EDA: variants seen among roughly 807,000 people sequenced by gnomAD.
The protein encoded by EDA is ectodysplasin A, also known as ectodysplasin-A.
EDA carries 2 observed loss-of-function variants against 23.6 expected under a neutral mutation model. The ratio of observed to expected loss-of-function variants is 0.08; its 90% CI spans 0.03 to 0.27. The LOEUF is 0.27. Among genes scored for constraint, EDA ranks in the 10% least tolerant of loss-of-function variants. The probability of loss-of-function intolerance (pLI) is 1.00; values close to 1 mark genes in which losing one functional copy is unlikely to be tolerated. For missense variants in EDA, 229 were observed against 324.2 expected (o/e 0.71, Z 2.26); for synonymous variants, 131 against 132.0 (o/e 0.99, Z 0.05).
chrX:69,924,144 TGCTGTGCAGAA>T (rs2018477814), intron 1 of EDA, among the ~76,000 whole-genome samples: 1 of 111,959 alleles, frequency 8.9e-6, no homozygotes, highest in East Asian at 2.8e-4. Context: ...TACTTTGTTT[TGCTGTGCAGAA>T]GCTCTTTAGT....
At chrX:69,617,062 C>A (rs1223195413) in intron 1 of EDA, 13 of 374,064 alleles carry the variant, frequency 3.5e-5, no homozygotes, top group Non-Finnish European at 5.2e-5. Flanking sequence ...TCTCTGCCCG[C>A]GGTGCTTGTT....
chrX:70,023,003 G>A (rs2147503538), intron 2 of EDA: 1 of 306,613 alleles, frequency 3.3e-6, no homozygotes, highest in East Asian at 5.2e-5. Context: ...TTTCTCCCTA[G>A]GGAAGAATCT....
chrX:69,681,949 G>T (rs1934370571), intron 1 of EDA, among the ~76,000 whole-genome samples: 2 of 109,938 alleles, frequency 1.8e-5, no homozygotes, highest in Admixed American at 9.7e-5. Flanking sequence ...CCATCTTTGT[G>T]GTTTTATCTA....
At chrX:69,740,066 C>T (rs2013403324) in intron 1 of EDA, among the ~76,000 whole-genome samples, 1 of 111,175 alleles carries the variant, frequency 9.0e-6, no homozygotes, top group Non-Finnish European at 1.9e-5. Context: ...TGTTCTCACC[C>T]ACCTGTGTGG....
In EDA at chrX:69,797,236, G is replaced by C. The variant is rs768404953; in HGVS notation, c.397-159791G>C. 1.4e-4 allele frequency among the ~76,000 whole-genome samples: 15 copies of C among 110,935 alleles called. No homozygotes were observed. In the Admixed American group the frequency reaches 1.4e-3, roughly 11 times the overall value. On this transcript the variant is annotated intron_variant, in intron 1 of 7. Coordinates refer to ENST00000374552, the MANE Select transcript of EDA (RefSeq NM_001399.5). The stretch of plus-strand genomic sequence containing the variant: ...GACATCCAGGTACAGGAGGCTCAGA[G>C]GTCCCCAAACACATACATAGCAAAA...
chrX:69,791,845 T>C (rs918421390), intron 1 of EDA, among the ~76,000 whole-genome samples: 4 of 111,971 alleles, frequency 3.6e-5, no homozygotes, highest in African/African-American at 1.3e-4. Context: ...GGTTTCTCCA[T>C]GTTGGTCAGG....
chrX:70,010,861 T>TG (rs2147487738), intron 2 of EDA, among the ~76,000 whole-genome samples: 1 of 111,240 alleles, frequency 9.0e-6, no homozygotes, highest in South Asian at 3.9e-4. Flanking sequence ...CTCGTGAGAC[T>TG]TATTCACTAC....
chrX:69,967,534 G>T (rs1342433414), intron 2 of EDA, among the ~76,000 whole-genome samples: 1 of 111,660 alleles, frequency 9.0e-6, no homozygotes, highest in Non-Finnish European at 1.9e-5. Context: ...GAGATAGCTG[G>T]TCTGAAAATA....
chrX:69,827,974 C>G (rs6625519), intron 1 of EDA, among the ~76,000 whole-genome samples: 48,672 of 109,045 alleles, frequency 0.45, 8,555 homozygotes, highest in East Asian at 0.72. Flanking sequence ...AGGTGTCAGT[C>G]TGCCCCTGCT....
At chrX:69,621,921 G>T (rs1359402100) in intron 1 of EDA, among the ~76,000 whole-genome samples, 1 of 107,170 alleles carries the variant, frequency 9.3e-6, no homozygotes, top group East Asian at 2.9e-4. Flanking sequence ...TTTTTTATAG[G>T]CTCATTTTTA....
chrX:69,842,916 C>G (rs2147562492), intron 1 of EDA, among the ~76,000 whole-genome samples: 1 of 111,664 alleles, frequency 9.0e-6, no homozygotes, highest in East Asian at 2.8e-4. Flanking sequence ...TGAGGCTTCC[C>G]CAGAAGCCAA....
chrX:69,629,877 C>T (rs1932508383), intron 1 of EDA, among the ~76,000 whole-genome samples: 1 of 111,744 alleles, frequency 8.9e-6, no homozygotes, highest in Non-Finnish European at 1.9e-5. Context: ...GGTACCTCAA[C>T]TTCTTGGCTT....
In EDA at chrX:69,767,775, G is replaced by A. The variant is rs761037296; in HGVS notation, c.396+151071G>A. Among the ~76,000 whole-genome samples the A allele has an allele frequency of 1.2e-4, 13 of 111,922 alleles. No homozygotes were observed. The South Asian group carries it at 1.5e-3, about 13-fold the overall frequency. On this transcript the variant is annotated intron_variant, in intron 1 of 7. Coordinates refer to ENST00000374552, the MANE Select transcript of EDA (RefSeq NM_001399.5). ...TGGCAGGTGTATGTTTACCTGGTAAGAAATTGCCAAACTTTCAAATTTTGC... is the reference window on the plus strand; with the variant it reads ...TGGCAGGTGTATGTTTACCTGGTAAAAAATTGCCAAACTTTCAAATTTTGC...
chrX:69,918,930 A>G (rs2018385715), intron 1 of EDA, among the ~76,000 whole-genome samples: 1 of 110,746 alleles, frequency 9.0e-6, no homozygotes, highest in African/African-American at 3.3e-5. Context: ...ATAAGTAACC[A>G]TTTGGAGTAC....
chrX:69,793,867 G>C (rs972517638), intron 1 of EDA, among the ~76,000 whole-genome samples: 1 of 110,883 alleles, frequency 9.0e-6, no homozygotes, highest in Non-Finnish European at 1.9e-5. Context: ...AAAAGAAAGA[G>C]AAAATGGGTT....
intron 1 of EDA, among the ~76,000 whole-genome samples, chrX:69,834,837 T>C (rs1299761697): frequency 2.7e-5 from 3 of 111,921 alleles, no homozygotes; most frequent in Non-Finnish European, 5.6e-5. Context: ...GGCATGTTTT[T>C]GCAGTGGCTG....
intron 1 of EDA, among the ~76,000 whole-genome samples, chrX:69,812,731 A>T (rs144633396): frequency 3.6e-5 from 4 of 111,790 alleles, no homozygotes; most frequent in African/African-American, 1.3e-4. Flanking sequence ...AGGGGAATAA[A>T]TGGAGAACAA....
intron 1 of EDA, among the ~76,000 whole-genome samples, chrX:69,882,754 G>A (rs1359015738): frequency 9.0e-6 from 1 of 110,874 alleles, no homozygotes; most frequent in Non-Finnish European, 1.9e-5. Context: ...ACAGGCTGGA[G>A]TGCAATGGCG....
intron 1 of EDA, among the ~76,000 whole-genome samples, chrX:69,757,128 G>C (rs1167996533): frequency 8.9e-6 from 1 of 111,964 alleles, no homozygotes; most frequent in East Asian, 2.8e-4. Context: ...ACTCTTAGCT[G>C]TATTTGAGTC....
Sources: allele counts gnomAD v4.1 joint callset (sites outside exome capture counted in the v4.1 genomes callset), GRCh38; gene constraint gnomAD v4.1.1; transcripts MANE v1.5; gene names NCBI Gene and HGNC (gene_info 2026-07-23, HGNC 2026-07-21).